Variants in LRBA observed in about 807,000 individuals in gnomAD.
The protein encoded by LRBA is lipopolysaccharide-responsive and beige-like anchor protein.
A neutral mutation model predicts 330.0 loss-of-function variants in LRBA; 176 were observed. The ratio of observed to expected loss-of-function variants is 0.53; its 90% confidence interval spans 0.47 to 0.60. The LOEUF is 0.60. Ranked by LOEUF, LRBA falls within the 20% of genes least tolerant of loss-of-function variation. The probability of loss-of-function intolerance (pLI) is 0.00; values close to 1 mark genes in which losing one functional copy is unlikely to be tolerated. For missense variants in LRBA, 3,259 were observed against 3,444.8 expected (o/e 0.95, Z 1.35); for synonymous variants, 1,230 against 1,193.0 (o/e 1.03, Z -0.64).
intron 35 of LRBA, among the ~76,000 whole-genome samples, chr4:150,750,540 G>T (rs1017695880): frequency 1.8e-4 from 27 of 151,998 alleles, no homozygotes; most frequent in Non-Finnish European, 3.2e-4. Flanking sequence ...ATGTTGTCCA[G>T]GCTGGTCTCA....
At chr4:150,461,728 G>C (rs1754802800) in intron 44 of LRBA, among the ~76,000 whole-genome samples, 1 of 151,754 alleles carries the variant, frequency 6.6e-6, no homozygotes, top group South Asian at 2.1e-4. Flanking sequence ...GTTTTCATTG[G>C]CAAGTGGAAT....
chr4:150,426,612 T>C (rs891449773), intron 46 of LRBA, among the ~76,000 whole-genome samples: 3 of 151,918 alleles, frequency 2.0e-5, no homozygotes, highest in Admixed American at 1.3e-4. Context: ...GTAGGATTCA[T>C]GATAAAAATC....
chr4:150,563,144 T>C (rs1768599541), intron 40 of LRBA, among the ~76,000 whole-genome samples: 1 of 152,122 alleles, frequency 6.6e-6, no homozygotes, highest in Non-Finnish European at 1.5e-5. Context: ...TGAGCCTAGG[T>C]ACACAGACCC....
chr4:150,420,435 T>C, intron 46 of LRBA, among the ~76,000 whole-genome samples: 1 of 121,812 alleles, frequency 8.2e-6, no homozygotes, highest in African/African-American at 3.1e-5. Context: ...ATAAAGTATA[T>C]ATAATACATA....
intron 37 of LRBA, among the ~76,000 whole-genome samples, chr4:150,608,464 CAA>C (rs1774899693): frequency 6.6e-6 from 1 of 152,014 alleles, no homozygotes; most frequent in South Asian, 2.1e-4. Flanking sequence ...AGAACGGTGC[CAA>C]AAAAGACAAA....
chr4:150,706,258 T>C (rs975725510), intron 36 of LRBA, among the ~76,000 whole-genome samples: 1 of 151,806 alleles, frequency 6.6e-6, no homozygotes, highest in Non-Finnish European at 1.5e-5. Flanking sequence ...TTGACACTAG[T>C]ATATGAAATC....
At chr4:150,665,934 C>T in intron 37 of LRBA, among the ~76,000 whole-genome samples, 1 of 152,056 alleles carries the variant, frequency 6.6e-6, no homozygotes, top group East Asian at 1.9e-4. Context: ...ATGGAGGAAC[C>T]TCAAATTACT....
At chr4:150,915,500 C>T in intron 8 of LRBA, 108 bp downstream of exon 8, 1 of 897,134 alleles carries the variant, frequency 1.1e-6, no homozygotes. Flanking sequence ...AAAAATCTAC[C>T]ATTGTAATAC....
chr4:150,639,794 T>TAC (rs1379414410), intron 37 of LRBA, among the ~76,000 whole-genome samples: 3 of 4,104 alleles, frequency 7.3e-4, no homozygotes, highest in African/African-American at 2.1e-3. Flanking sequence ...TGTGTGTGTA[T>TAC]ATATATATAT....
chr4:150,589,317 A>G (rs1772530834), intron 39 of LRBA, among the ~76,000 whole-genome samples: 1 of 152,160 alleles, frequency 6.6e-6, no homozygotes, highest in East Asian at 1.9e-4. Context: ...TCTCACATCA[A>G]TCTTAATGTG....
chr4:150,314,070 C>G (rs552357433), intron 51 of LRBA, among the ~76,000 whole-genome samples: 1 of 151,920 alleles, frequency 6.6e-6, no homozygotes, highest in South Asian at 2.1e-4. Flanking sequence ...TATTTACTAT[C>G]TGGCCCTTTA....
chr4:150,503,375 C>G (rs1051562409), intron 40 of LRBA, among the ~76,000 whole-genome samples: 3 of 152,210 alleles, frequency 2.0e-5, no homozygotes, highest in Non-Finnish European at 2.9e-5. Context: ...AACGATCAGG[C>G]AGCAGCATTG....
chr4:150,277,251 C>CACAT (rs1300940877), intron 56 of LRBA, among the ~76,000 whole-genome samples: 18 of 146,560 alleles, frequency 1.2e-4, no homozygotes, highest in African/African-American at 4.3e-4. Flanking sequence ...AGAGGAACAT[C>CACAT]ACATACGGGG....
intron 56 of LRBA, among the ~76,000 whole-genome samples, chr4:150,271,313 G>GTTTT (rs34560876): frequency 6.9e-6 from 1 of 144,240 alleles, no homozygotes; most frequent in African/African-American, 2.6e-5. Flanking sequence ...AGCTGCAGGA[G>GTTTT]TTTTTTTTTT....
At chr4:150,981,335 C>T (rs1339721066) in intron 2 of LRBA, among the ~76,000 whole-genome samples, 1 of 150,252 alleles carries the variant, frequency 6.7e-6, no homozygotes, top group Non-Finnish European at 1.5e-5. Flanking sequence ...ATCGCCTGAA[C>T]CTGGGAAGTG....
chr4:150,910,760 T>C (rs1731899747), intron 9 of LRBA, among the ~76,000 whole-genome samples: 2 of 150,128 alleles, frequency 1.3e-5, no homozygotes. Flanking sequence ...CTTTAGGTAG[T>C]ATGGATTTTT....
intron 37 of LRBA, among the ~76,000 whole-genome samples, chr4:150,662,061 A>C (rs1781167628): frequency 6.6e-6 from 1 of 152,196 alleles, no homozygotes; most frequent in South Asian, 2.1e-4. Flanking sequence ...ACAGCATTTT[A>C]AGTATCTGTA....
intron 44 of LRBA, among the ~76,000 whole-genome samples, chr4:150,443,009 G>A (rs997195053): frequency 5.3e-5 from 8 of 152,092 alleles, no homozygotes; most frequent in Non-Finnish European, 1.0e-4. Flanking sequence ...AAGGTTCTAC[G>A]AGTCTTACAT....
chr4:150,519,379 T>C (rs1762689853), intron 40 of LRBA, among the ~76,000 whole-genome samples: 1 of 152,176 alleles, frequency 6.6e-6, no homozygotes, highest in African/African-American at 2.4e-5. Flanking sequence ...TGTCAACATC[T>C]CCTGTAAACA....
Sources: allele counts gnomAD v4.1 joint callset (sites outside exome capture counted in the v4.1 genomes callset), GRCh38; gene constraint gnomAD v4.1.1; transcripts MANE v1.5; gene names NCBI Gene and HGNC (gene_info 2026-07-23, HGNC 2026-07-21).